LRSAM1: variants seen among roughly 807,000 people sequenced by gnomAD.
LRSAM1 encodes the protein leucine rich repeat and sterile alpha motif containing 1, also known as E3 ubiquitin-protein ligase LRSAM1.
In LRSAM1, 96 loss-of-function variants were observed where a neutral mutation model predicts 118.1. The observed-to-expected ratio is 0.81, with a 90% confidence interval of 0.69 to 0.96. The LOEUF (loss-of-function observed/expected upper bound fraction) is 0.96, where lower values mean the gene tolerates loss of function less well. Among genes scored for constraint, LRSAM1 ranks in the 40% least tolerant of loss-of-function variants. The pLI is 0.00. For synonymous variants in LRSAM1, 322 were observed against 364.2 expected, an observed-to-expected ratio of 0.88 and a Z score of 1.32; for missense variants, 804 against 915.5, an observed-to-expected ratio of 0.88 and a Z score of 1.57.
intron 11 of LRSAM1, 139 bp from the exon 12 acceptor site, chr9:127,478,795 G>A (rs552291864): frequency 9.9e-6 from 8 of 809,844 alleles, no homozygotes; most frequent in East Asian, 2.5e-5. Flanking sequence ...CTCATCCCCC[G>A]ACCCCACCAT....
At chr9:127,482,078 A>G (rs1835559601) in intron 15 of LRSAM1, among the ~76,000 whole-genome samples, 1 of 152,158 alleles carries the variant, frequency 6.6e-6, no homozygotes, top group Admixed American at 6.6e-5. Flanking sequence ...TTAAGGGAAA[A>G]CATAACATAT....
At chr9:127,501,282 T>TA in intron 25 of LRSAM1, 139 bp downstream of exon 25, 1 of 1,158,856 alleles carries the variant, frequency 8.6e-7, no homozygotes, top group Non-Finnish European at 1.2e-6. Context: ...AGGCAGGAAA[T>TA]AAAGATGACC....
chr9:127,478,826 TG>T, intron 11 of LRSAM1, 107 bp from the exon 12 acceptor site: 2 of 1,040,528 alleles, frequency 1.9e-6, no homozygotes, highest in Non-Finnish European at 3.0e-6. Flanking sequence ...TGGTCTGGGG[TG>T]GGCCAGAGTT....
At chr9:127,455,142 G>A (rs1834469413) in intron 4 of LRSAM1, 88 bp downstream of exon 4, 7 of 1,360,890 alleles carry the variant, frequency 5.1e-6, no homozygotes, top group Non-Finnish European at 7.4e-6. Context: ...GGTGGACTGG[G>A]GCTTTAGAAA....
intron 19 of LRSAM1, among the ~76,000 whole-genome samples, chr9:127,490,774 T>C (rs1318249475): frequency 2.0e-5 from 3 of 152,136 alleles, no homozygotes; most frequent in Non-Finnish European, 4.4e-5. Context: ...CTACTACCAC[T>C]GTTACTCAGT....
intron 21 of LRSAM1, among the ~76,000 whole-genome samples, 177 bp from the exon 22 acceptor site, chr9:127,495,143 G>T (rs1197649294): frequency 6.6e-6 from 1 of 151,990 alleles, no homozygotes; most frequent in Non-Finnish European, 1.5e-5. Flanking sequence ...TAGAGGTGGG[G>T]GGTTTCTCCA....
chr9:127,500,934 A>G lies in LRSAM1; in HGVS notation c.1913-76A>G, dbSNP rs367602680. On this transcript the variant is annotated intron_variant, in intron 24 of 25. Coordinates refer to ENST00000300417, the MANE Select transcript of LRSAM1 (RefSeq NM_001005373.4). ...CAGCTCACTCACCATGGGGATGGGCAGGGCCACAATGAGCCCCCAGGGGTT... is the reference window on the plus strand; with the variant it reads ...CAGCTCACTCACCATGGGGATGGGCGGGGCCACAATGAGCCCCCAGGGGTT... 15 of 1,605,902 alleles carry G rather than the reference A, an allele frequency of 9.3e-6. 2 individuals carry two copies. In the South Asian group the frequency reaches 1.4e-4, roughly 15 times the overall value.
intron 11 of LRSAM1, among the ~76,000 whole-genome samples, chr9:127,475,231 C>T (rs1005500260): frequency 6.6e-6 from 1 of 152,010 alleles, no homozygotes; most frequent in Non-Finnish European, 1.5e-5. Context: ...AGAAAACCAT[C>T]GCAATAGAAA....
chr9:127,492,491 C>T (rs1004001947), intron 20 of LRSAM1, among the ~76,000 whole-genome samples: 2 of 152,238 alleles, frequency 1.3e-5, no homozygotes, highest in Non-Finnish European at 2.9e-5. Context: ...TGCTTCTGCC[C>T]ATGTGCTCTG....
Position 127,481,175 on chromosome 9 carries a change from C to T in LRSAM1, c.1044-8C>T. The T allele has an allele frequency of 6.2e-7, 1 of 1,613,870 alleles. No homozygotes were observed. Among genetic ancestry groups the T allele is most frequent in the Non-Finnish European group, 8.5e-7 (1 of 1,179,974 alleles). On this transcript the variant is annotated splice_region_variant and splice_polypyrimidine_tract_variant and intron_variant, in intron 14 of 25. Transcript: ENST00000300417. ...GACTGCCAGGACCTTTTATGATTTT[C>T]TCCACAGACAAAAGAAAAGCTCCGA...
rs58140930 is a variant in LRSAM1, at chr9:127,460,847, C to CTTTTTTTT, written c.322-307_322-300dup. On this transcript the variant is annotated intron_variant, in intron 7 of 25. Coordinates refer to ENST00000300417, the MANE Select transcript of LRSAM1 (RefSeq NM_001005373.4). The stretch of plus-strand genomic sequence containing the variant: ...TCGTGTCACCTCTTCCTGTTTCTTT[C>CTTTTTTTT]TTTTTTTTTTTTTTTTTTTTTTTTT... 2.1e-3 allele frequency among the ~76,000 whole-genome samples: 165 copies of CTTTTTTTT among 77,424 alleles called. 21 individuals carry two copies. The highest frequency in any genetic ancestry group is 5.8e-3 in the African/African-American group (117 of 20,164). 50.8% of individuals were successfully genotyped at this position (77,424 alleles called of 152,430 possible).
intron 24 of LRSAM1, among the ~76,000 whole-genome samples, 176 bp from the exon 25 acceptor site, chr9:127,500,834 A>G (rs1227022894): frequency 6.6e-6 from 1 of 152,176 alleles, no homozygotes; most frequent in African/African-American, 2.4e-5. Context: ...AATGAGGCTC[A>G]GAGAAGAGAA....
rs1836087710 is a variant in LRSAM1 at position 127,495,323 on chromosome 9, G to A, written c.1603G>A (p.Glu535Lys). ...TTGCCTGCTTCATTCCTGGCAGACGGAGTTAGAAGCCAAAAGTGAAACCAG... is the reference window on the plus strand; with the variant it reads ...TTGCCTGCTTCATTCCTGGCAGACGAAGTTAGAAGCCAAAAGTGAAACCAG... ...REEELREILTELEAKSETRQE... is the reference protein window; with the variant it reads ...REEELREILTKLEAKSETRQE... The change falls in exon 22 of 26, where the codon GAG becomes AAG. Residue 535 changes from glutamate (E) to lysine (K), a missense_variant. Physicochemically the swap from Glu to Lys is moderately conservative, Grantham distance 56. Transcript: ENST00000300417. 1 of 1,613,764 alleles carries A rather than the reference G, an allele frequency of 6.2e-7. No individual in the cohort carries two copies. The highest frequency in any genetic ancestry group is 1.1e-5 in the South Asian group (1 of 91,082).
chr9:127,462,520 C>A, intron 9 of LRSAM1, 147 bp downstream of exon 9: 2 of 1,244,910 alleles, frequency 1.6e-6, no homozygotes, highest in Non-Finnish European at 2.3e-6. Context: ...TGTAGAGAGG[C>A]CAATGTGTGA....
intron 12 of LRSAM1, 97 bp from the exon 13 acceptor site, chr9:127,479,286 C>A: frequency 6.4e-7 from 1 of 1,570,800 alleles, no homozygotes; most frequent in Non-Finnish European, 8.7e-7. Context: ...AGACCTGGAG[C>A]CTGCCCTGTC....
intron 9 of LRSAM1, among the ~76,000 whole-genome samples, chr9:127,466,431 GTATGAATATATTA>G (rs1014737123): frequency 1.0e-4 from 14 of 133,566 alleles, no homozygotes; most frequent in African/African-American, 3.6e-4. Context: ...ATGTGAAAGT[GTATGAATATATTA>G]TATGAATATA....
intron 1 of LRSAM1, 51 bp from the exon 2 acceptor site, chr9:127,451,878 T>C (rs1451304271): frequency 6.5e-6 from 1 of 152,758 alleles, no homozygotes; most frequent in Non-Finnish European, 1.5e-5. Context: ...GCCTCAGACT[T>C]CGTCATCCCG....
intron 17 of LRSAM1, 41 bp from the exon 18 acceptor site, chr9:127,487,633 GGA>G (rs1835779048): frequency 6.3e-7 from 1 of 1,588,004 alleles, no homozygotes; most frequent in Non-Finnish European, 8.6e-7. Context: ...TAGGTGCTCG[GGA>G]AACGTTCCAA....
Position 127,479,824 on chromosome 9 carries a change from T to C in LRSAM1, c.904-15T>C. On this transcript the variant is annotated splice_polypyrimidine_tract_variant and intron_variant, in intron 13 of 25. Coordinates refer to ENST00000300417, the MANE Select transcript of LRSAM1 (RefSeq NM_001005373.4). Reference sequence around the variant, plus strand: ...GGGGGTCCCAGGGGCTCAGGACCCCTACCTCCGGCTGCAGGAGCAGTCCCG... The same window carrying C: ...GGGGGTCCCAGGGGCTCAGGACCCCCACCTCCGGCTGCAGGAGCAGTCCCG... The C allele has an allele frequency of 1.2e-6, 2 of 1,611,588 alleles. No individual in the cohort carries two copies. The highest frequency in any genetic ancestry group is 2.2e-5 in the South Asian group (2 of 91,020).
Sources: gnomAD v4.1 joint callset for allele counts (sites outside exome capture counted in the v4.1 genomes callset) on GRCh38, gnomAD v4.1.1 for gene constraint, MANE v1.5 for transcripts, NCBI Gene and HGNC (gene_info 2026-07-23, HGNC 2026-07-21) for gene names.